Variants in CCDC61 observed in about 807,000 individuals in gnomAD.
CCDC61 encodes centrosomal protein CCDC61.
A neutral mutation model predicts 63.0 loss-of-function variants in CCDC61; 55 were observed. The observed-to-expected ratio is 0.87, with a 90% CI of 0.70 to 1.09. The LOEUF is 1.09. CCDC61 is among the 50% of genes least tolerant of loss of function. The pLI is 0.00. For missense variants in CCDC61, 651 were observed against 731.4 expected, an observed-to-expected ratio of 0.89 and a Z score of 1.27; for synonymous variants, 270 against 317.0, an observed-to-expected ratio of 0.85 and a Z score of 1.58.
At chr19:46,003,360 C>A in intron 2 of CCDC61, 59 bp from the exon 3 acceptor site, 1 of 1,521,716 alleles carries the variant, frequency 6.6e-7, no homozygotes, top group Non-Finnish European at 9.1e-7. Flanking sequence ...AGCTTAGGTG[C>A]ATTGCCCTGG....
chr19:46,005,024 A>AT (rs201981224), intron 3 of CCDC61, among the ~76,000 whole-genome samples: 3,268 of 149,146 alleles, frequency 0.022, 55 homozygotes, highest in Non-Finnish European at 0.026. Context: ...TTATTTATTT[A>AT]TTTTTTTTGA....
At chr19:46,007,842 A>T (rs1263044346) in intron 4 of CCDC61, among the ~76,000 whole-genome samples, 2 of 152,190 alleles carry the variant, frequency 1.3e-5, no homozygotes, top group Non-Finnish European at 2.9e-5. Flanking sequence ...GCTGCAAGTA[A>T]CATGATACCA....
intron 5 of CCDC61, among the ~76,000 whole-genome samples, chr19:46,012,330 G>A (rs1422636320): frequency 6.6e-6 from 1 of 152,176 alleles, no homozygotes; most frequent in Non-Finnish European, 1.5e-5. Context: ...TAAAGCCAGC[G>A]TACATGTAAC....
intron 5 of CCDC61, among the ~76,000 whole-genome samples, chr19:46,010,810 C>T (rs571002016): frequency 1.3e-5 from 2 of 152,312 alleles, no homozygotes; most frequent in Middle Eastern, 6.8e-3. Flanking sequence ...AAATCCCAGT[C>T]TTCGTGTCTC....
chr19:46,006,509 G>A (rs1166950596), intron 3 of CCDC61, 50 bp from the exon 4 acceptor site: 8 of 1,472,556 alleles, frequency 5.4e-6, no homozygotes, highest in African/African-American at 2.8e-5. Context: ...GGTGCCCTCC[G>A]TGTGGCAGTG....
rs769836334 is a variant in CCDC61 at position 46,016,678 on chromosome 19, C to G, written c.1092-16C>G. 6.2e-7 allele frequency: 1 copy of G among 1,611,582 alleles called. No individual in the cohort carries two copies. Among genetic ancestry groups the G allele is most frequent in the Non-Finnish European group, 8.5e-7 (1 of 1,179,256 alleles). The stretch of plus-strand genomic sequence containing the variant: ...AGTTGGGCGTACAGACCGGCGTCTC[C>G]TTTCTTTTTTCCCAGGCAGCAGCAG... On this transcript the variant is annotated splice_polypyrimidine_tract_variant and intron_variant, in intron 9 of 13. Transcript: ENST00000595358. This position sits in a 1 kb window ranked among gnomAD's most constrained non-coding sequence, Gnocchi z 7.2.
intron 1 of CCDC61, among the ~76,000 whole-genome samples, chr19:46,002,120 AT>A (rs894750114): frequency 1.3e-5 from 2 of 151,338 alleles, no homozygotes; most frequent in African/African-American, 4.9e-5. Context: ...ATTTTTTTGT[AT>A]TTTTAGTAGA....
chr19:46,013,650 T>A (rs967361683), intron 5 of CCDC61, among the ~76,000 whole-genome samples: 4 of 151,884 alleles, frequency 2.6e-5, no homozygotes, highest in Non-Finnish European at 5.9e-5. Flanking sequence ...GGGCAGATCA[T>A]GAGGTCAGGA....
At chr19:46,004,947 T>C (rs1968674014) in intron 3 of CCDC61, among the ~76,000 whole-genome samples, 2 of 148,786 alleles carry the variant, frequency 1.3e-5, no homozygotes, top group East Asian at 2.1e-4. Context: ...CAAGTGATTC[T>C]CATGCCTCAG....
intron 3 of CCDC61, among the ~76,000 whole-genome samples, chr19:46,003,739 C>CA (rs1387540324): frequency 3.3e-5 from 5 of 151,966 alleles, no homozygotes; most frequent in African/African-American, 1.2e-4. Flanking sequence ...AAAATCACTC[C>CA]AGCCCTAATA....
intron 4 of CCDC61, among the ~76,000 whole-genome samples, chr19:46,007,077 C>T (rs1469055845): frequency 1.4e-5 from 2 of 143,276 alleles, no homozygotes; most frequent in African/African-American, 5.3e-5. Context: ...GAGATGGAGT[C>T]TCACTGTCTC....
chr19:45,998,571 C>T (rs1162345598), intron 1 of CCDC61, among the ~76,000 whole-genome samples: 2 of 152,048 alleles, frequency 1.3e-5, no homozygotes, highest in Admixed American at 6.6e-5. Context: ...TTGGCTGTAT[C>T]CCCAGTGTCT....
At chr19:46,006,426 G>A in intron 3 of CCDC61, 133 bp from the exon 4 acceptor site, 1 of 786,740 alleles carries the variant, frequency 1.3e-6, no homozygotes, top group Non-Finnish European at 1.9e-6. Context: ...GGGCCATGTT[G>A]ATTGCCAGCC....
Position 46,016,633 on chromosome 19 carries a change from G to A in CCDC61, c.1092-61G>A. ...CGTGGCTGTGACCTTTAGGGGCGCA[G>A]TGACCCCCTTGCCTGCAGGAGTTGG... is the stretch of plus-strand genomic sequence containing the variant. On this transcript the variant is annotated intron_variant, in intron 9 of 13. Transcript: ENST00000595358. The surrounding 1 kb of genome is among the most constrained non-coding windows in gnomAD (Gnocchi z 7.2). 6.3e-7 allele frequency: 1 copy of A among 1,595,440 alleles called. No homozygotes were observed. The highest frequency in any genetic ancestry group is 1.1e-5 in the South Asian group (1 of 88,234).
rs763775310 is a variant in CCDC61, at chr19:46,016,428, C to T, written c.1091+35C>T. 1 of 1,607,470 alleles carries T rather than the reference C, an allele frequency of 6.2e-7. No homozygotes were observed. The highest frequency in any genetic ancestry group is 1.1e-5 in the South Asian group (1 of 90,908). ...CCTTCCTCCCTCACCTGCCCCTGTC[C>T]CTGGCCCGTGCCCGCTCCCGGGCTC... On this transcript the variant is annotated intron_variant, in intron 9 of 13. Coordinates refer to ENST00000595358, the MANE Select transcript of CCDC61 (RefSeq NM_001267723.2). The surrounding 1 kb of genome is among the most constrained non-coding windows in gnomAD (Gnocchi z 7.2).
At chr19:46,003,820 CGTGTGTGTGTGTGTGTGTGTGTGTGT>C (rs55945123) in intron 3 of CCDC61, among the ~76,000 whole-genome samples, 4 of 143,906 alleles carry the variant, frequency 2.8e-5, no homozygotes, top group Non-Finnish European at 6.2e-5. Context: ...TTTCCAAATA[CGTGTGTGTGTGTGTGTGTGTGTGTGT>C]GTGTGTGTGT....
intron 5 of CCDC61, among the ~76,000 whole-genome samples, chr19:46,010,774 T>G (rs937620183): frequency 1.3e-5 from 2 of 152,236 alleles, no homozygotes; most frequent in African/African-American, 4.8e-5. Flanking sequence ...TCTTGTTTGA[T>G]GTACTGCCAC....
Position 46,015,042 on chromosome 19 carries a change from TC to T in CCDC61, c.552-3del. ...TCTCTCCAGCGCTCTCTCCGCGTCT[TC>T]CCCAGGGTGTCGCGCCTGGCGTCCG... On this transcript the variant is annotated splice_polypyrimidine_tract_variant and splice_region_variant and intron_variant, in intron 5 of 13. Coordinates refer to ENST00000595358, the MANE Select transcript of CCDC61 (RefSeq NM_001267723.2). This position sits in a 1 kb window ranked among gnomAD's most constrained non-coding sequence, Gnocchi z 5.3. The T allele has an allele frequency of 6.7e-7, 1 of 1,483,318 alleles. No homozygotes were observed. The highest frequency in any genetic ancestry group is 1.5e-5 in the African/African-American group (1 of 68,760). 91.9% of individuals were successfully genotyped at this position (1,483,318 alleles called of 1,614,324 possible). A position where few individuals can be genotyped will look rare whatever the true frequency, so the allele number is the denominator to read the frequency against.
chr19:45,999,973 G>C, intron 1 of CCDC61: 1 of 969,738 alleles, frequency 1.0e-6, no homozygotes, highest in Non-Finnish European at 1.2e-6. Context: ...GCTGAGAAGA[G>C]GAACTGGGAG....
Sources: gnomAD v4.1 joint callset for allele counts (sites outside exome capture counted in the v4.1 genomes callset) on GRCh38, gnomAD v4.1.1 for gene constraint, Gnocchi (gnomAD v3.1) non-coding constraint, MANE v1.5 for transcripts, NCBI Gene and HGNC (gene_info 2026-07-23, HGNC 2026-07-21) for gene names.